Variants in CDKAL1 observed in about 807,000 individuals in gnomAD.
The protein encoded by CDKAL1 is threonylcarbamoyladenosine tRNA methylthiotransferase.
CDKAL1 carries 32 observed loss-of-function variants against 68.2 expected under a neutral mutation model. The observed-to-expected ratio is 0.47, with a 90% CI of 0.35 to 0.63. The LOEUF is 0.63. CDKAL1 is among the 30% of genes least tolerant of loss of function. The probability of loss-of-function intolerance (pLI) is 0.00; values close to 1 mark genes in which losing one functional copy is unlikely to be tolerated. For synonymous variants in CDKAL1, 234 were observed against 244.3 expected, an observed-to-expected ratio of 0.96 and a Z score of 0.39; for missense variants, 606 against 696.7, an observed-to-expected ratio of 0.87 and a Z score of 1.47.
At chr6:20,940,781 G>A (rs1041017312) in intron 9 of CDKAL1, among the ~76,000 whole-genome samples, 3 of 152,100 alleles carry the variant, frequency 2.0e-5, no homozygotes, top group African/African-American at 2.4e-5. Context: ...AATCAGATGT[G>A]TACCTTGGCA....
chr6:21,112,240 T>C (rs1283968069), intron 13 of CDKAL1, among the ~76,000 whole-genome samples: 1 of 152,250 alleles, frequency 6.6e-6, no homozygotes, highest in African/African-American at 2.4e-5. Context: ...TGTTAGATTT[T>C]ATCAGAATTA....
At chr6:20,693,603 T>A (rs1011847903) in intron 5 of CDKAL1, among the ~76,000 whole-genome samples, 1 of 152,334 alleles carries the variant, frequency 6.6e-6, no homozygotes, top group East Asian at 1.9e-4. Context: ...TTAATATACT[T>A]TATATTAGCC....
intron 5 of CDKAL1, among the ~76,000 whole-genome samples, chr6:20,732,267 T>TTTC (rs1772979400): frequency 1.3e-5 from 1 of 75,532 alleles, no homozygotes; most frequent in African/African-American, 4.3e-5. Context: ...TTCTTTCTTT[T>TTTC]TTTTTTTTTT....
At position 20,618,995 on chromosome 6, in the gene CDKAL1, A is replaced by G. The variant is rs542121107; in HGVS notation, c.287-30298A>G. ...CACCTGGTGATTTTTTCAGTTTCAT[A>G]TGAGAAAATATACTTCTATGATAGT... On this transcript the variant is annotated intron_variant, in intron 4 of 15. Transcript: ENST00000274695. Among the ~76,000 whole-genome samples the G allele has an allele frequency of 2.0e-5, 3 of 152,284 alleles. No homozygotes were observed. In the East Asian group the frequency reaches 5.8e-4, roughly 29 times the overall value.
At chr6:20,650,423 T>C (rs1768703716) in intron 5 of CDKAL1, among the ~76,000 whole-genome samples, 1 of 152,150 alleles carries the variant, frequency 6.6e-6, no homozygotes, top group African/African-American at 2.4e-5. Flanking sequence ...TTTTCCTATA[T>C]ATCTGTTTAC....
chr6:20,907,601 G>C (rs940005377), intron 9 of CDKAL1, among the ~76,000 whole-genome samples: 1 of 152,156 alleles, frequency 6.6e-6, no homozygotes, highest in Non-Finnish European at 1.5e-5. Context: ...AGCAGTTAAG[G>C]GTTAATCAAG....
At chr6:21,220,860 C>G (rs1779514847) in intron 15 of CDKAL1, among the ~76,000 whole-genome samples, 1 of 152,084 alleles carries the variant, frequency 6.6e-6, no homozygotes, top group African/African-American at 2.4e-5. Flanking sequence ...GAAGTTTATA[C>G]TGGAGAGATT....
chr6:21,069,999 C>A (rs1246116839), intron 12 of CDKAL1, among the ~76,000 whole-genome samples: 1 of 151,724 alleles, frequency 6.6e-6, no homozygotes, highest in Non-Finnish European at 1.5e-5. Context: ...ACCGTGTTAA[C>A]CAGGATGGTC....
At chr6:21,227,560 G>A (rs926734646) in intron 15 of CDKAL1, among the ~76,000 whole-genome samples, 5 of 152,236 alleles carry the variant, frequency 3.3e-5, no homozygotes, top group African/African-American at 1.2e-4. Flanking sequence ...CCTGCTCCGC[G>A]GTCACGCTCC....
chr6:20,566,531 T>C (rs562628601), intron 4 of CDKAL1, among the ~76,000 whole-genome samples: 15 of 141,828 alleles, frequency 1.1e-4, no homozygotes, highest in Admixed American at 7.8e-4. Context: ...TGAACATTCA[T>C]TGAAAATAGT....
intron 13 of CDKAL1, among the ~76,000 whole-genome samples, chr6:21,116,654 TAGC>T (rs1774427742): frequency 6.6e-6 from 1 of 151,962 alleles, no homozygotes. Flanking sequence ...ATACCCTACT[TAGC>T]AGCATATTCT....
At chr6:20,857,864 G>A (rs1759416052) in intron 9 of CDKAL1, among the ~76,000 whole-genome samples, 1 of 152,036 alleles carries the variant, frequency 6.6e-6, no homozygotes. Context: ...TTCTTTTTGG[G>A]GAATTTCTTT....
At chr6:20,552,915 C>CT (rs1483853628) in intron 4 of CDKAL1, among the ~76,000 whole-genome samples, 2 of 152,034 alleles carry the variant, frequency 1.3e-5, no homozygotes, top group Admixed American at 1.3e-4. Context: ...CCAGTAGTCA[C>CT]TTTCATTACT....
intron 11 of CDKAL1, among the ~76,000 whole-genome samples, chr6:21,033,338 A>G (rs1361089211): frequency 6.6e-6 from 1 of 152,154 alleles, no homozygotes; most frequent in Non-Finnish European, 1.5e-5. Context: ...TTGCTGAGAT[A>G]TTTCTTTTTT....
At chr6:20,904,514 G>T (rs1296445148) in intron 9 of CDKAL1, among the ~76,000 whole-genome samples, 1 of 152,042 alleles carries the variant, frequency 6.6e-6, no homozygotes, top group Non-Finnish European at 1.5e-5. Flanking sequence ...TGTGGGTCTG[G>T]CACGGTGGCT....
chr6:20,881,807 T>C (rs1405557204), intron 9 of CDKAL1, among the ~76,000 whole-genome samples: 1 of 152,186 alleles, frequency 6.6e-6, no homozygotes, highest in Non-Finnish European at 1.5e-5. Flanking sequence ...ATCTCCAAAG[T>C]AGTTAATAAT....
chr6:20,889,399 G>A (rs1345967511), intron 9 of CDKAL1, among the ~76,000 whole-genome samples: 1 of 151,956 alleles, frequency 6.6e-6, no homozygotes, highest in Non-Finnish European at 1.5e-5. Context: ...GTCAATTTTG[G>A]CTTTTGTTGC....
At chr6:21,145,404 T>G (rs141356064) in intron 13 of CDKAL1, among the ~76,000 whole-genome samples, 2 of 152,304 alleles carry the variant, frequency 1.3e-5, no homozygotes, top group Admixed American at 1.3e-4. Flanking sequence ...CCCCTCCTCC[T>G]GTGAAACTGG....
intron 5 of CDKAL1, among the ~76,000 whole-genome samples, chr6:20,684,310 C>CTT (rs1770519433): frequency 6.6e-6 from 1 of 152,150 alleles, no homozygotes; most frequent in African/African-American, 2.4e-5. Context: ...GGCGTGGTGG[C>CTT]ATGTGCCTGT....
Sources: allele counts gnomAD v4.1 joint callset (sites outside exome capture counted in the v4.1 genomes callset), GRCh38; gene constraint gnomAD v4.1.1; transcripts MANE v1.5; gene names NCBI Gene and HGNC (gene_info 2026-07-23, HGNC 2026-07-21).